Variants in TBCEL observed in about 807,000 individuals in gnomAD.
TBCEL encodes tubulin folding cofactor E like.
A neutral mutation model predicts 44.2 loss-of-function variants in TBCEL; 15 were observed. The ratio of observed to expected loss-of-function variants is 0.34; its 90% confidence interval spans 0.23 to 0.52. TBCEL has a LOEUF of 0.52. TBCEL is among the 20% of genes least tolerant of loss of function. TBCEL has a pLI of 0.95. For synonymous variants in TBCEL, 171 were observed against 185.4 expected (o/e 0.92, Z 0.63); for missense variants, 319 against 506.3 (o/e 0.63, Z 3.55).
At chr11:121,061,451 A>G (rs1945720184) in intron 8 of TBCEL, among the ~76,000 whole-genome samples, 1 of 152,010 alleles carries the variant, frequency 6.6e-6, no homozygotes, top group South Asian at 2.1e-4. Context: ...CCATTGCTTA[A>G]TGACAGGGAC....
intron 8 of TBCEL, among the ~76,000 whole-genome samples, chr11:121,077,717 G>A (rs890930608): frequency 1.3e-5 from 2 of 151,612 alleles, no homozygotes; most frequent in South Asian, 2.1e-4. Context: ...ATTTGAGACT[G>A]TTCTTTTCTA....
intron 1 of TBCEL, among the ~76,000 whole-genome samples, chr11:121,028,036 C>T (rs1488446435): frequency 1.2e-4 from 18 of 151,892 alleles, no homozygotes. Context: ...GGAGACCCAT[C>T]TCTATGAAAA....
At chr11:121,077,671 T>A (rs1946056482) in intron 8 of TBCEL, among the ~76,000 whole-genome samples, 1 of 152,040 alleles carries the variant, frequency 6.6e-6, no homozygotes, top group South Asian at 2.1e-4. Context: ...TTTAATTTGC[T>A]CATCTTTTTA....
intron 2 of TBCEL, among the ~76,000 whole-genome samples, chr11:121,038,769 A>G (rs550851834): frequency 6.6e-6 from 1 of 151,650 alleles, no homozygotes; most frequent in East Asian, 1.9e-4. Context: ...AAAAAGAACA[A>G]CTCTTTCTTA....
chr11:121,047,863 A>T, intron 4 of TBCEL, 196 bp downstream of exon 4: 1 of 444,258 alleles, frequency 2.3e-6, no homozygotes, highest in Non-Finnish European at 3.6e-6. Flanking sequence ...AAGGAGGCTG[A>T]GGCAGGAGGA....
At chr11:121,041,070 T>C (rs1475866287) in intron 2 of TBCEL, among the ~76,000 whole-genome samples, 1 of 152,212 alleles carries the variant, frequency 6.6e-6, no homozygotes. Flanking sequence ...TTTTGAAGTA[T>C]ACTACTCTAC....
chr11:121,037,066 A>G (rs1427786868), intron 2 of TBCEL, among the ~76,000 whole-genome samples: 2 of 152,186 alleles, frequency 1.3e-5, no homozygotes, highest in African/African-American at 2.4e-5. Flanking sequence ...CCAAATTCAC[A>G]TTTCATCTGG....
At position 121,083,421 on chromosome 11, in the gene TBCEL, C is replaced by T. The variant is rs376371577; in HGVS notation, c.957-3357C>T. ...GTTTCCAGTGCCACTTACTGAGATA[C>T]GAAAGACTAGAAGAGAACACAGCTG... On this transcript the variant is annotated intron_variant, in intron 8 of 8. Coordinates refer to ENST00000683345, the MANE Select transcript of TBCEL (RefSeq NM_001363644.2). Among the ~76,000 whole-genome samples the T allele has an allele frequency of 9.2e-5, 14 of 152,126 alleles. 1 individual carries two copies. The highest frequency in any genetic ancestry group is 2.9e-5 in the Non-Finnish European group (2 of 68,028).
Position 121,058,330 on chromosome 11 carries a change from A to G in TBCEL, c.713-15A>G, listed in dbSNP as rs1212919550. On this transcript the variant is annotated splice_polypyrimidine_tract_variant and intron_variant, in intron 6 of 8. Transcript: ENST00000683345. ...GCATCTCTGGATTTACTTAAACAAT[A>G]TGTTCTCAAATTAGGTTTGCAGTCC... The G allele has an allele frequency of 1.2e-6, 2 of 1,609,094 alleles. No homozygotes were observed. The highest frequency in any genetic ancestry group is 1.3e-5 in the African/African-American group (1 of 74,592).
intron 8 of TBCEL, among the ~76,000 whole-genome samples, chr11:121,074,077 A>T (rs763063999): frequency 6.6e-6 from 1 of 151,962 alleles, no homozygotes; most frequent in Non-Finnish European, 1.5e-5. Context: ...TCGTGATTTC[A>T]TATTTTCTCT....
chr11:121,064,834 T>G (rs968175937), intron 8 of TBCEL, among the ~76,000 whole-genome samples: 5 of 152,170 alleles, frequency 3.3e-5, no homozygotes, highest in African/African-American at 1.2e-4. Context: ...TTTTTAATTT[T>G]TTTTTCTTTT....
chr11:121,070,622 A>G (rs373696293), intron 8 of TBCEL, among the ~76,000 whole-genome samples: 1 of 149,058 alleles, frequency 6.7e-6, no homozygotes, highest in African/African-American at 2.5e-5. Flanking sequence ...CAAACAGCGC[A>G]TGTTCTCACT....
intron 8 of TBCEL, among the ~76,000 whole-genome samples, chr11:121,075,761 T>A (rs183276577): frequency 6.6e-6 from 1 of 151,948 alleles, no homozygotes; most frequent in African/African-American, 2.4e-5. Flanking sequence ...TTCTGAGAAA[T>A]GCATCATTAG....
intron 1 of TBCEL, among the ~76,000 whole-genome samples, chr11:121,028,999 A>G (rs914690543): frequency 6.6e-6 from 1 of 152,128 alleles, no homozygotes; most frequent in Non-Finnish European, 1.5e-5. Flanking sequence ...TTTATTTTCT[A>G]GCCGTCTTCC....
chr11:121,041,798 G>A (rs1945338103), intron 2 of TBCEL, among the ~76,000 whole-genome samples: 1 of 150,634 alleles, frequency 6.6e-6, no homozygotes, highest in South Asian at 2.1e-4. Context: ...CAATCTTGAT[G>A]TTCTAATTCA....
chr11:121,087,166 T>C lies in TBCEL; in HGVS notation c.*70T>C, dbSNP rs952216406. On this transcript the variant is annotated 3_prime_UTR_variant, in exon 9 of 9. Transcript: ENST00000683345. Reference sequence around the variant, plus strand: ...AGGGCATTTGTTTTTAATGTGGTTTTCTTTAGGAGGGAGAGGTTGTTTTTG... The same window carrying C: ...AGGGCATTTGTTTTTAATGTGGTTTCCTTTAGGAGGGAGAGGTTGTTTTTG... 45 of 1,416,706 alleles carry C rather than the reference T, an allele frequency of 3.2e-5. No homozygotes were observed. The African/African-American group carries it at 6.0e-4, about 19-fold the overall frequency. The allele number at this position is 1,416,706 out of a possible 1,614,324, so 87.8% of individuals were successfully genotyped here. A position where few individuals can be genotyped will look rare whatever the true frequency, so the allele number is the denominator to read the frequency against.
chr11:121,051,423 T>C (rs1257669631), intron 4 of TBCEL, among the ~76,000 whole-genome samples: 3 of 151,782 alleles, frequency 2.0e-5, no homozygotes, highest in Admixed American at 6.6e-5. Context: ...TTATTCTTCG[T>C]GCTTTAGTTG....
rs1169722504 is a variant in TBCEL at position 121,089,042 on chromosome 11, G to A, written c.*1946G>A. ...GTATGGCAACAGTGTCATGAAGATT[G>A]AAACTGTAGGTGCTTTGTGTATGTA... On this transcript the variant is annotated 3_prime_UTR_variant, in exon 9 of 9. Transcript: ENST00000683345. 2 of 152,200 alleles carry A rather than the reference G, an allele frequency of 1.3e-5. No homozygotes were observed. Among genetic ancestry groups the A allele is most frequent in the Non-Finnish European group, 2.9e-5 (2 of 68,034 alleles). The allele number at this position is 152,200 out of a possible 1,614,324, so 9.4% of individuals were successfully genotyped here. A position where few individuals can be genotyped will look rare whatever the true frequency, so the allele number is the denominator to read the frequency against.
At chr11:121,073,777 TAC>T (rs1443043882) in intron 8 of TBCEL, among the ~76,000 whole-genome samples, 2 of 151,966 alleles carry the variant, frequency 1.3e-5, no homozygotes, top group Non-Finnish European at 2.9e-5. Flanking sequence ...TTTCTTTTAT[TAC>T]GAGTAGACAT....
Sources: allele counts gnomAD v4.1 joint callset (sites outside exome capture counted in the v4.1 genomes callset), GRCh38; gene constraint gnomAD v4.1.1; transcripts MANE v1.5; gene names NCBI Gene and HGNC (gene_info 2026-07-23, HGNC 2026-07-21).